The following CDH15 variants were observed in gnomAD, a reference collection of about 807,000 sequenced individuals.
CDH15 encodes cadherin 15.
CDH15 carries 73 observed loss-of-function variants against 69.4 expected under a neutral mutation model. That is an observed-to-expected ratio of 1.05 (90% CI 0.87 to 1.28). CDH15 has a LOEUF of 1.28. CDH15 is among the 50% of genes most tolerant of loss of function. The probability of loss-of-function intolerance (pLI) is 0.00; values close to 1 mark genes in which losing one functional copy is unlikely to be tolerated. For synonymous variants in CDH15, 624 were observed against 507.7 expected, an observed-to-expected ratio of 1.23 and a Z score of -3.08; for missense variants, 1,343 against 1,133.6, an observed-to-expected ratio of 1.18 and a Z score of -2.65.
At chr16:89,192,175 G>T (rs1288826391) in intron 10 of CDH15, 30 bp from the exon 11 acceptor site, 3 of 1,511,948 alleles carry the variant, frequency 2.0e-6, no homozygotes, top group Admixed American at 2.1e-5. Context: ...GCCTCGGGAG[G>T]CCCTCGCTCA....
rs1158670800 is a variant in CDH15, at chr16:89,187,520, A to T, written c.755A>T (p.Asp252Val). 6.2e-7 allele frequency: 1 copy of T among 1,613,554 alleles called. No individual in the cohort carries two copies. The highest frequency in any genetic ancestry group is 1.3e-5 in the African/African-American group (1 of 74,940). ...ATASAIITLD[D>V]INDNAPEFTR... The stretch of plus-strand genomic sequence containing the variant: ...GCCTCAGCCATCATCACCCTTGATG[A>T]CATCAATGACAATGCCCCCGAGTTC... Residue 252 changes from aspartate to valine, a missense_variant, in exon 6 of 14, where the codon GAC becomes GTC. Coordinates refer to ENST00000289746, the MANE Select transcript of CDH15 (RefSeq NM_004933.3).
intron 3 of CDH15, among the ~76,000 whole-genome samples, chr16:89,180,970 C>T (rs192293049): frequency 2.3e-5 from 2 of 86,732 alleles, no homozygotes; most frequent in East Asian, 2.6e-3. Flanking sequence ...CCACCGCGCC[C>T]GACCTTTTTT....
chr16:89,190,799 G>A (rs1022180393), intron 8 of CDH15, among the ~76,000 whole-genome samples: 4 of 152,076 alleles, frequency 2.6e-5, no homozygotes, highest in Admixed American at 6.5e-5. Flanking sequence ...TTCACTCCAA[G>A]CCTGGCCCTG....
At chr16:89,184,983 C>T (rs1026086662) in intron 4 of CDH15, among the ~76,000 whole-genome samples, 190 bp from the exon 5 acceptor site, 1 of 152,232 alleles carries the variant, frequency 6.6e-6, no homozygotes, top group African/African-American at 2.4e-5. Context: ...GGAAGCATCT[C>T]GACCTGGGGG....
intron 7 of CDH15, among the ~76,000 whole-genome samples, chr16:89,189,779 A>G (rs1915596069): frequency 6.6e-6 from 1 of 152,244 alleles, no homozygotes; most frequent in Non-Finnish European, 1.5e-5. Flanking sequence ...TTACTGCAAG[A>G]AATTGGCTCA....
At chr16:89,191,054 T>G (rs1470508637) in intron 8 of CDH15, among the ~76,000 whole-genome samples, 50 of 110,900 alleles carry the variant, frequency 4.5e-4, no homozygotes, top group African/African-American at 1.6e-3. Flanking sequence ...TATAGGTGTG[T>G]GGGGGGTGGT....
In CDH15 at chr16:89,173,848, G is replaced by A. The variant is rs572108762; in HGVS notation, c.42+1975G>A. 9.3e-4 allele frequency among the ~76,000 whole-genome samples: 142 copies of A among 152,284 alleles called. 2 individuals are homozygous for A. Among genetic ancestry groups the A allele is most frequent in the African/African-American group, 3.2e-3 (132 of 41,564 alleles). On this transcript the variant is annotated intron_variant, in intron 1 of 13. Coordinates refer to ENST00000289746, the MANE Select transcript of CDH15 (RefSeq NM_004933.3). ...TGCTGCACCTACACCATCCCTAGTT[G>A]CTGGTTCTACACCTGGGACCCCACC...
At position 89,183,599 on chromosome 16, in the gene CDH15, G is replaced by A; in HGVS notation, c.409G>A (p.Asp137Asn). The change falls in exon 4 of 14, where the codon GAC becomes AAC. Residue 137 changes from aspartate to asparagine, a missense_variant. Physicochemically the swap from Asp to Asn is conservative, Grantham distance 23. Transcript: ENST00000289746. ...LGGSTLEDPT[D>N]LEIVVVDQND... ...AGGATCCACCCTGGAGGACCCCACG[G>A]ACCTGGAGATTGTAGTTGTGGATCA... 1 of 1,614,154 alleles carries A rather than the reference G, an allele frequency of 6.2e-7. No homozygotes were observed. Among genetic ancestry groups the A allele is most frequent in the Non-Finnish European group, 8.5e-7 (1 of 1,180,022 alleles).
At chr16:89,192,632 C>T (rs1915678851) in intron 11 of CDH15, among the ~76,000 whole-genome samples, 188 bp downstream of exon 11, 1 of 100,110 alleles carries the variant, frequency 1.0e-5, no homozygotes, top group Non-Finnish European at 2.0e-5. Context: ...CCGTCATTAC[C>T]AGCCACGCCG....
intron 1 of CDH15, 104 bp from the exon 2 acceptor site, chr16:89,179,312 A>G (rs1467895898): frequency 2.2e-6 from 3 of 1,354,200 alleles, no homozygotes; most frequent in Middle Eastern, 2.5e-4. Context: ...GCTGAGGGAA[A>G]CACTGCGCCC....
chr16:89,183,244 G>A (rs1915415703), intron 3 of CDH15: 1 of 354,936 alleles, frequency 2.8e-6, no homozygotes, highest in Admixed American at 4.1e-5. Flanking sequence ...AGAGAGACAG[G>A]GAGAGAGATT....
At chr16:89,184,628 C>T (rs1567773169) in intron 4 of CDH15, among the ~76,000 whole-genome samples, 1 of 152,266 alleles carries the variant, frequency 6.6e-6, no homozygotes, top group African/African-American at 2.4e-5. Flanking sequence ...CCCTTGCATC[C>T]TCTGTCTTAT....
chr16:89,184,712 TCCTGCCCGTGTGTCCTCTGTTCAG>T (rs1410657295), intron 4 of CDH15, among the ~76,000 whole-genome samples: 1 of 151,820 alleles, frequency 6.6e-6, no homozygotes, highest in African/African-American at 2.4e-5. Flanking sequence ...CTCTGTCTTA[TCCTGCCCGTGTGTCCTCTGTTCAG>T]CCTGCCCATG....
At chr16:89,177,515 G>A (rs1915283800) in intron 1 of CDH15, among the ~76,000 whole-genome samples, 1 of 152,080 alleles carries the variant, frequency 6.6e-6, no homozygotes, top group African/African-American at 2.4e-5. Flanking sequence ...CCGGGAGCCT[G>A]GCGACCCCCA....
rs1213867793 is a variant in CDH15, at chr16:89,192,193, C to T, written c.1616-12C>T. The T allele has an allele frequency of 1.0e-5, 16 of 1,527,932 alleles. No individual in the cohort carries two copies. The highest frequency in any genetic ancestry group is 7.2e-5 in the South Asian group (6 of 83,528). 94.6% of individuals were successfully genotyped at this position (1,527,932 alleles called of 1,614,324 possible). A position where few individuals can be genotyped will look rare whatever the true frequency, so the allele number is the denominator to read the frequency against. On this transcript the variant is annotated splice_polypyrimidine_tract_variant and intron_variant, in intron 10 of 13. Transcript: ENST00000289746. ...TCGGGAGGCCCTCGCTCACCACAGG[C>T]GCCCTCCGCAGTGAGCCACGCGCGC...
intron 1 of CDH15, 97 bp downstream of exon 1, chr16:89,171,970 T>C: frequency 7.5e-7 from 1 of 1,328,328 alleles, no homozygotes; most frequent in Non-Finnish European, 1.0e-6. Flanking sequence ...CCAGAACCAC[T>C]GGCCCTGGTC....
At position 89,180,859 on chromosome 16, in the gene CDH15, G is replaced by T. The variant is rs1047225831; in HGVS notation, c.357+504G>T. Among the ~76,000 whole-genome samples the T allele has an allele frequency of 5.3e-5, 8 of 152,174 alleles. No individual in the cohort carries two copies. The South Asian group carries it at 1.7e-3, about 32-fold the overall frequency. On this transcript the variant is annotated intron_variant, in intron 3 of 13. Transcript: ENST00000289746. ...CTGCCTCAGCCTCCCGAGTAGCTGG[G>T]ACTACAGGCCCCTGCCACCATGCCC...
chr16:89,173,210 T>TG (rs1421381920), intron 1 of CDH15, among the ~76,000 whole-genome samples: 1 of 152,122 alleles, frequency 6.6e-6, no homozygotes, highest in Non-Finnish European at 1.5e-5. Flanking sequence ...GAGCGCAGGC[T>TG]GGGGGGCTCC....
At position 89,185,325 on chromosome 16, in the gene CDH15, G is replaced by A; in HGVS notation, c.655G>A (p.Asp219Asn). Residue 219 changes from aspartate (D) to asparagine (N), a missense_variant, in exon 5 of 14, where the codon GAC becomes AAC. Asp to Asn is a conservative substitution (Grantham distance 23). Transcript: ENST00000289746. ...GATCCGCACAGTGCAAGTGGGGCTGGACCGCGAGGTGAGGTGGCGCCCCGG... is the reference window on the plus strand; with the variant it reads ...GATCCGCACAGTGCAAGTGGGGCTGAACCGCGAGGTGAGGTGGCGCCCCGG... ...GEIRTVQVGLDREVVAVYNLT... is the reference protein window; with the variant it reads ...GEIRTVQVGLNREVVAVYNLT... 6.2e-7 allele frequency: 1 copy of A among 1,601,616 alleles called. No homozygotes were observed. The highest frequency in any genetic ancestry group is 8.5e-7 in the Non-Finnish European group (1 of 1,174,452).
Sources: allele counts gnomAD v4.1 joint callset (sites outside exome capture counted in the v4.1 genomes callset), GRCh38; gene constraint gnomAD v4.1.1; transcripts MANE v1.5; gene names NCBI Gene and HGNC (gene_info 2026-07-23, HGNC 2026-07-21).